CUL5: variants seen among roughly 807,000 people sequenced by gnomAD.
CUL5 encodes cullin 5.
A neutral mutation model predicts 108.8 loss-of-function variants in CUL5; 26 were observed. The observed-to-expected ratio is 0.24, with a 90% CI of 0.18 to 0.33. The LOEUF (loss-of-function observed/expected upper bound fraction) is 0.33. CUL5 is among the 10% of genes least tolerant of loss of function. CUL5 has a pLI of 1.00. For missense variants in CUL5, 524 were observed against 909.2 expected, an observed-to-expected ratio of 0.58 and a Z score of 5.45; for synonymous variants, 334 against 298.0, an observed-to-expected ratio of 1.12 and a Z score of -1.25.
intron 11 of CUL5, 49 bp from the exon 12 acceptor site, chr11:108,088,478 T>G: frequency 6.5e-7 from 1 of 1,539,798 alleles, no homozygotes; most frequent in Middle Eastern, 1.8e-4. Flanking sequence ...AAAAAATAAT[T>G]GCAAACATTA....
rs186261226 is a variant in CUL5 at position 108,028,409 on chromosome 11, C to T, written c.25-5393C>T. Among the ~76,000 whole-genome samples, 19 of 152,264 alleles carry T rather than the reference C, an allele frequency of 1.2e-4. No homozygotes were observed. In the East Asian group the frequency reaches 2.5e-3, roughly 20 times the overall value. ...ATCTAAAATTGAACCACTTCTCATA[C>T]CTCCTACCTCCATTGCTATCACCTC... On this transcript the variant is annotated intron_variant, in intron 1 of 18. Transcript: ENST00000393094.
At chr11:108,077,136 C>T (rs1863960002) in intron 10 of CUL5, among the ~76,000 whole-genome samples, 1 of 152,136 alleles carries the variant, frequency 6.6e-6, no homozygotes, top group African/African-American at 2.4e-5. Flanking sequence ...CAAGGATTGG[C>T]CTAGGGCATT....
At chr11:108,014,461 A>G (rs531300380) in intron 1 of CUL5, among the ~76,000 whole-genome samples, 34 of 152,228 alleles carry the variant, frequency 2.2e-4, no homozygotes, top group Non-Finnish European at 4.4e-4. Flanking sequence ...ATAAAGTTCT[A>G]TAGTTACTGA....
intron 7 of CUL5, among the ~76,000 whole-genome samples, chr11:108,066,831 ATCT>A (rs1328549295): frequency 3.3e-5 from 5 of 152,204 alleles, no homozygotes; most frequent in African/African-American, 1.2e-4. Flanking sequence ...ATTAGTGAAG[ATCT>A]TCTTTTCATA....
chr11:108,074,602 C>A (rs1025472906), intron 10 of CUL5, among the ~76,000 whole-genome samples: 1 of 151,750 alleles, frequency 6.6e-6, no homozygotes, highest in Non-Finnish European at 1.5e-5. Context: ...GTCGGGAGTT[C>A]GAGATCAGCC....
At chr11:108,097,285 G>A (rs925188738) in intron 16 of CUL5, among the ~76,000 whole-genome samples, 4 of 152,298 alleles carry the variant, frequency 2.6e-5, no homozygotes, top group South Asian at 4.1e-4. Context: ...CAAAGTGCTG[G>A]AATTACAGGC....
At chr11:108,069,479 A>C (rs1049750723) in intron 7 of CUL5, among the ~76,000 whole-genome samples, 2 of 152,130 alleles carry the variant, frequency 1.3e-5, no homozygotes, top group Non-Finnish European at 2.9e-5. Flanking sequence ...ACAGGATCCC[A>C]TTTAGATACC....
intron 3 of CUL5, among the ~76,000 whole-genome samples, chr11:108,048,271 A>G (rs1565245349): frequency 2.0e-5 from 3 of 152,188 alleles, no homozygotes; most frequent in Non-Finnish European, 4.4e-5. Flanking sequence ...AGTAAAAATA[A>G]TAAACATAGG....
chr11:108,069,737 T>G (rs918684659), intron 7 of CUL5, among the ~76,000 whole-genome samples: 5 of 152,242 alleles, frequency 3.3e-5, no homozygotes, highest in African/African-American at 1.2e-4. Context: ...AATAATGGTT[T>G]GTTGAATGAA....
chr11:108,081,985 C>T (rs1319674797), intron 11 of CUL5, among the ~76,000 whole-genome samples: 4 of 152,132 alleles, frequency 2.6e-5, no homozygotes, highest in Non-Finnish European at 4.4e-5. Context: ...TCAGCTTTTC[C>T]ATTTTTGTGA....
At chr11:108,071,693 T>C (rs1487492325) in intron 8 of CUL5, among the ~76,000 whole-genome samples, 1 of 152,050 alleles carries the variant, frequency 6.6e-6, no homozygotes, top group Non-Finnish European at 1.5e-5. Context: ...ACCAAAGACA[T>C]GCACCACCAC....
chr11:108,089,423 T>C (rs2135226234), intron 12 of CUL5, 69 bp from the exon 13 acceptor site: 2 of 1,190,682 alleles, frequency 1.7e-6, no homozygotes, highest in East Asian at 5.3e-5. Context: ...TTGGTGGATA[T>C]AGAAAGGTCT....
chr11:108,080,120 T>TC (rs1864038767), intron 11 of CUL5, among the ~76,000 whole-genome samples: 1 of 129,484 alleles, frequency 7.7e-6, no homozygotes, highest in Admixed American at 9.1e-5. Flanking sequence ...TCTTTTTTTT[T>TC]TTTTTTTCCG....
rs548435945 is a variant in CUL5 at position 108,010,378 on chromosome 11, C to T, written c.24+1006C>T. Among the ~76,000 whole-genome samples the T allele has an allele frequency of 2.1e-4, 32 of 152,320 alleles. No homozygotes were observed. The South Asian group carries it at 6.0e-3, about 29-fold the overall frequency. On this transcript the variant is annotated intron_variant, in intron 1 of 18. Coordinates refer to ENST00000393094, the MANE Select transcript of CUL5 (RefSeq NM_003478.6). Reference sequence around the variant, plus strand: ...AATAGAAAATATACAGGAACCTAACCATCATGTCTTCTTTAGACCACTGAT... The same window carrying T: ...AATAGAAAATATACAGGAACCTAACTATCATGTCTTCTTTAGACCACTGAT...
intron 5 of CUL5, among the ~76,000 whole-genome samples, chr11:108,053,246 C>T (rs1863281317): frequency 6.6e-6 from 1 of 152,196 alleles, no homozygotes; most frequent in Admixed American, 6.5e-5. Context: ...GGAGGCCTTT[C>T]TTAATTCCCA....
At chr11:108,038,360 C>T (rs748859059) in intron 2 of CUL5, among the ~76,000 whole-genome samples, 2 of 152,108 alleles carry the variant, frequency 1.3e-5, no homozygotes, top group African/African-American at 2.4e-5. Flanking sequence ...TAACCTTTTA[C>T]TTGCTACAGT....
At chr11:108,050,139 T>A (rs1863175254) in intron 4 of CUL5, 73 bp downstream of exon 4, 4 of 1,350,722 alleles carry the variant, frequency 3.0e-6, no homozygotes, top group Non-Finnish European at 2.0e-6. Context: ...TTGAAAGTAA[T>A]TTGAACTTTT....
At chr11:108,019,348 C>T (rs1862276047) in intron 1 of CUL5, among the ~76,000 whole-genome samples, 1 of 152,080 alleles carries the variant, frequency 6.6e-6, no homozygotes, top group Admixed American at 6.6e-5. Flanking sequence ...GCTTCATAAA[C>T]AGTAAGGGAA....
chr11:108,060,131 T>A (rs533770687), intron 7 of CUL5, among the ~76,000 whole-genome samples: 1 of 152,108 alleles, frequency 6.6e-6, no homozygotes, highest in Non-Finnish European at 1.5e-5. Context: ...TAAGCACTTA[T>A]TAACCTTCAG....
Sources: allele counts gnomAD v4.1 joint callset (sites outside exome capture counted in the v4.1 genomes callset), GRCh38; gene constraint gnomAD v4.1.1; transcripts MANE v1.5; gene names NCBI Gene and HGNC (gene_info 2026-07-23, HGNC 2026-07-21).